The following CDH23 variants were observed in gnomAD, a reference collection of about 807,000 sequenced individuals.
CDH23 encodes the protein cadherin-23.
CDH23 carries 189 observed loss-of-function variants against 317.1 expected under a neutral mutation model. That is an observed-to-expected ratio of 0.60 (90% CI 0.53 to 0.67). The LOEUF is 0.67. Among genes scored for constraint, CDH23 ranks in the 30% least tolerant of loss-of-function variants. The probability of loss-of-function intolerance (pLI) is 0.00; values close to 1 mark genes in which losing one functional copy is unlikely to be tolerated. For synonymous variants in CDH23, 1,839 were observed against 1,876.8 expected, an observed-to-expected ratio of 0.98 and a Z score of 0.52; for missense variants, 4,401 against 4,592.4, an observed-to-expected ratio of 0.96 and a Z score of 1.20.
chr10:71,813,437 T>A, intron 69 of CDH23, 89 bp downstream of exon 69: 1 of 1,134,864 alleles, frequency 8.8e-7, no homozygotes, highest in Non-Finnish European at 1.3e-6. Context: ...CTTCTCTATG[T>A]CTCTGGAGCT....
In CDH23 at chr10:71,813,785, A is replaced by G. The variant is rs561461405; in HGVS notation, c.9738+437A>G. 3.3e-5 allele frequency among the ~76,000 whole-genome samples: 5 copies of G among 152,232 alleles called. No homozygotes were observed. In the South Asian group the frequency reaches 1.0e-3, roughly 32 times the overall value. ...TAGCCGGGCCTGGTGGCGGACGCCT[A>G]TAATCCCAGCTACTCAGGGGGCTGA... On this transcript the variant is annotated intron_variant, in intron 69 of 69. Transcript: ENST00000224721.
chr10:71,785,353 A>G (rs1366833621), intron 43 of CDH23, among the ~76,000 whole-genome samples: 1 of 152,182 alleles, frequency 6.6e-6, no homozygotes, highest in Non-Finnish European at 1.5e-5. Context: ...CACTTGGTTT[A>G]ATCAAGACGC....
intron 9 of CDH23, among the ~76,000 whole-genome samples, chr10:71,607,450 T>C (rs1246103701): frequency 6.6e-6 from 1 of 151,986 alleles, no homozygotes; most frequent in East Asian, 1.9e-4. Context: ...GTCTCAGGGG[T>C]TTTGTGAGAC....
chr10:71,403,248 T>C (rs1281052259), intron 1 of CDH23, among the ~76,000 whole-genome samples: 1 of 152,188 alleles, frequency 6.6e-6, no homozygotes, highest in Non-Finnish European at 1.5e-5. Flanking sequence ...AATCAACAGT[T>C]GAACAGTTGT....
chr10:71,532,455 T>A (rs7909882), intron 6 of CDH23, among the ~76,000 whole-genome samples: 22,342 of 152,050 alleles, frequency 0.15, 2,111 homozygotes, highest in East Asian at 0.34. Flanking sequence ...GGAGGGGAGC[T>A]GGTGGAACTT....
intron 14 of CDH23, among the ~76,000 whole-genome samples, chr10:71,673,825 C>A (rs893325833): frequency 1.3e-5 from 2 of 152,206 alleles, no homozygotes; most frequent in Admixed American, 1.3e-4. Context: ...CCAGCAGTCG[C>A]TGCTGCCGTT....
Position 71,788,944 on chromosome 10 carries a change from A to G in CDH23, c.5825A>G (p.Tyr1942Cys). ...GCCCCATTCTGCCCCTTGCAGGATT[A>G]TGACTTGCTTCTGATCTTCCTTTCT... ...PENPRIARRD[Y>C]DLLLIFLSDE... Residue 1942 changes from tyrosine to cysteine, a missense_variant, in exon 45 of 70, where the codon TAT (tyrosine) becomes TGT (cysteine). Physicochemically the swap from Tyr to Cys is radical, Grantham distance 194. Around this residue, in one of 3 missense-constraint regions of CDH23, gnomAD observed 3,068 missense variants for 3,203.3 expected, o/e 0.96. Coordinates refer to ENST00000224721, the MANE Select transcript of CDH23 (RefSeq NM_022124.6). The G allele has an allele frequency of 6.4e-7, 1 of 1,558,962 alleles. No individual in the cohort carries two copies. Among genetic ancestry groups the G allele is most frequent in the Non-Finnish European group, 8.9e-7 (1 of 1,129,726 alleles).
At chr10:71,749,538 C>T (rs979498657) in intron 38 of CDH23, 2 of 152,264 alleles carry the variant, frequency 1.3e-5, no homozygotes, top group African/African-American at 4.8e-5. Flanking sequence ...AAGAAGGGAC[C>T]CCCCTCTGCC....
chr10:71,798,993 C>G, intron 50 of CDH23, 118 bp from the exon 51 acceptor site: 1 of 957,538 alleles, frequency 1.0e-6, no homozygotes, highest in Non-Finnish European at 1.6e-6. Context: ...GCTGCCTGAC[C>G]ACCCTCCTTC....
chr10:71,447,808 T>C (rs1850244357), intron 3 of CDH23, among the ~76,000 whole-genome samples: 1 of 152,192 alleles, frequency 6.6e-6, no homozygotes, highest in African/African-American at 2.4e-5. Context: ...TGTGGACGAC[T>C]GGACTTGTAA....
chr10:71,456,873 T>C (rs934566264), intron 3 of CDH23, among the ~76,000 whole-genome samples: 1 of 151,794 alleles, frequency 6.6e-6, no homozygotes, highest in Non-Finnish European at 1.5e-5. Context: ...TTGTGTAGAG[T>C]CAAAATTGAA....
Position 71,783,640 on chromosome 10 carries a change from G to A in CDH23, c.5369-647G>A, listed in dbSNP as rs984442347. On this transcript the variant is annotated intron_variant, in intron 41 of 69. Transcript: ENST00000224721. ...AGGATTCTGGGGCCACAGGGCCAGC[G>A]GGGCTCTTCAGAAACATCAAGGAAA... 7.2e-5 allele frequency among the ~76,000 whole-genome samples: 11 copies of A among 152,192 alleles called. 1 individual carries two copies. The highest frequency in any genetic ancestry group is 1.9e-4 in the East Asian group (1 of 5,194).
chr10:71,712,437 T>A, intron 27 of CDH23: 1 of 524,742 alleles, frequency 1.9e-6, no homozygotes, highest in South Asian at 2.6e-5. Flanking sequence ...GGGGTTGCTG[T>A]GAGGACTGAA....
At chr10:71,587,159 A>G (rs1227103265) in intron 9 of CDH23, among the ~76,000 whole-genome samples, 4 of 152,370 alleles carry the variant, frequency 2.6e-5, no homozygotes, top group Admixed American at 6.5e-5. Context: ...TTAGGGCCGC[A>G]TGGCAAATGA....
At chr10:71,639,463 C>T (rs1197815535) in intron 11 of CDH23, among the ~76,000 whole-genome samples, 1 of 152,192 alleles carries the variant, frequency 6.6e-6, no homozygotes, top group Admixed American at 6.5e-5. Flanking sequence ...CCTCCTTCTG[C>T]CACGTGTGGC....
At chr10:71,699,440 C>T (rs1865507079) in intron 22 of CDH23, among the ~76,000 whole-genome samples, 1 of 152,230 alleles carries the variant, frequency 6.6e-6, no homozygotes, top group Admixed American at 6.5e-5. Flanking sequence ...CCACATGTGG[C>T]TTCATTTGGG....
At chr10:71,615,697 C>T in intron 10 of CDH23, 81 bp downstream of exon 10, 1 of 975,790 alleles carries the variant, frequency 1.0e-6, no homozygotes, top group African/African-American at 1.6e-5. Flanking sequence ...TGTCCGAGGG[C>T]TCCTGCCCCC....
At chr10:71,433,341 A>G (rs977437626) in intron 1 of CDH23, among the ~76,000 whole-genome samples, 1 of 152,182 alleles carries the variant, frequency 6.6e-6, no homozygotes, top group Non-Finnish European at 1.5e-5. Context: ...ACGTACAGCT[A>G]TGGCAATTTC....
At chr10:71,794,763 G>A (rs1841356181) in intron 48 of CDH23, 1 of 152,218 alleles carries the variant, frequency 6.6e-6, no homozygotes, top group South Asian at 2.1e-4. Context: ...TGTCTGGATA[G>A]CAATCCAGCA....
Sources: allele counts gnomAD v4.1 joint callset (sites outside exome capture counted in the v4.1 genomes callset), GRCh38; gene constraint gnomAD v4.1.1; regional missense constraint gnomAD v4.1.1; transcripts MANE v1.5; gene names NCBI Gene and HGNC (gene_info 2026-07-23, HGNC 2026-07-21).